Variants in HIVEP1 observed in about 807,000 individuals in gnomAD.
The protein encoded by HIVEP1 is zinc finger protein 40.
In HIVEP1, 36 loss-of-function variants were observed where a neutral mutation model predicts 180.0. The observed-to-expected ratio is 0.20, with a 90% CI of 0.15 to 0.26. The LOEUF (loss-of-function observed/expected upper bound fraction) is 0.26, where lower values mean the gene tolerates loss of function less well. Ranked by LOEUF, HIVEP1 falls within the 10% of genes least tolerant of loss-of-function variation. The pLI is 1.00. For missense variants in HIVEP1, 3,143 were observed against 3,268.7 expected (o/e 0.96, Z 0.94); for synonymous variants, 1,239 against 1,239.0 (o/e 1.00, Z 0.00).
At chr6:12,172,834 A>G in the HIVEP1 span, among the ~76,000 whole-genome samples, 35,821 of 148,758 alleles carry the variant, frequency 0.24, 4,911 homozygotes, top group Non-Finnish European at 0.31. Context: ...TTCAGTAATG[A>G]TTTATGATAA....
At chr6:12,161,303 G>T in intron 7 of HIVEP1, 136 bp from the exon 8 acceptor site, 1 of 802,694 alleles carries the variant, frequency 1.2e-6, no homozygotes, top group East Asian at 2.5e-5. Flanking sequence ...TCTCAGCCAG[G>T]GCGGAGGCTC....
At position 12,121,294 on chromosome 6, in the gene HIVEP1, C is replaced by T. The variant is rs759356350; in HGVS notation, c.1499C>T (p.Ala500Val). 4 of 1,614,112 alleles carry T rather than the reference C, an allele frequency of 2.5e-6. No homozygotes were observed. The South Asian group carries it at 3.3e-5, about 13-fold the overall frequency. The change falls in exon 4 of 9, where the codon GCC (alanine) becomes GTC (valine). Residue 500 changes from alanine to valine, a missense_variant. This residue lies in a region of HIVEP1 where 365 missense variants were observed against 344.4 expected (regional missense o/e 1.06). Coordinates refer to ENST00000379388, the MANE Select transcript of HIVEP1 (RefSeq NM_002114.4). The surrounding 1 kb of genome is among the most constrained non-coding windows in gnomAD (Gnocchi z 5.3). ...AGTGGGGAGAGCGAGGAGGAAGGCG[C>T]CACTGATGAGAGACAGCATGACCTG... ...EDSGESEEEGATDERQHDLGA... is the reference protein window; with the variant it reads ...EDSGESEEEGVTDERQHDLGA...
At position 12,090,636 on chromosome 6, in the gene HIVEP1, G is replaced by C. The variant is rs73724353; in HGVS notation, c.94+1399G>C. Among the ~76,000 whole-genome samples, 886 of 151,124 alleles carry C rather than the reference G, an allele frequency of 5.9e-3. 6 individuals carry two copies. Among genetic ancestry groups the C allele is most frequent in the African/African-American group, 0.021 (850 of 41,160 alleles). ...GTAAAGATGTCTCCATGGCCACCTT[G>C]TCCCTTTGAAGGGTTGACTGACTTA... On this transcript the variant is annotated intron_variant, in intron 3 of 8. Transcript: ENST00000379388.
chr6:12,139,689 G>A (rs768836226), intron 7 of HIVEP1, among the ~76,000 whole-genome samples: 5 of 152,200 alleles, frequency 3.3e-5, no homozygotes, highest in Admixed American at 6.5e-5. Context: ...ATTATATCCC[G>A]CATCTGGCTT....
intron 3 of HIVEP1, among the ~76,000 whole-genome samples, chr6:12,092,824 T>C (rs1452759190): frequency 6.6e-6 from 1 of 152,218 alleles, no homozygotes; most frequent in East Asian, 1.9e-4. Flanking sequence ...GAATGATTCA[T>C]GAATCAGGCA....
intron 7 of HIVEP1, among the ~76,000 whole-genome samples, chr6:12,146,059 T>C (rs1039615408): frequency 5.3e-5 from 8 of 152,164 alleles, no homozygotes; most frequent in Non-Finnish European, 1.2e-4. Context: ...AGAAATGGGG[T>C]AAACCTTTTT....
chr6:12,028,978 CT>C (rs926537781), intron 2 of HIVEP1, among the ~76,000 whole-genome samples: 14 of 152,146 alleles, frequency 9.2e-5, no homozygotes, highest in Non-Finnish European at 1.5e-4. Flanking sequence ...TTACATGTAG[CT>C]TTTTTTCATT....
At chr6:12,083,731 T>A (rs1772940196) in intron 2 of HIVEP1, among the ~76,000 whole-genome samples, 1 of 152,186 alleles carries the variant, frequency 6.6e-6, no homozygotes, top group Middle Eastern at 3.2e-3. Context: ...TGAGGGTTTT[T>A]TGAAACATTA....
At chr6:12,096,938 A>C (rs1773816699) in intron 3 of HIVEP1, among the ~76,000 whole-genome samples, 1 of 152,112 alleles carries the variant, frequency 6.6e-6, no homozygotes, top group Non-Finnish European at 1.5e-5. Context: ...ACATTTGTAC[A>C]ATAAAACAAA....
the HIVEP1 span, among the ~76,000 whole-genome samples, chr6:12,183,975 A>AGATAGATAGATAGATAGAT: frequency 3.6e-5 from 2 of 56,178 alleles, no homozygotes; most frequent in African/African-American, 1.2e-4. Context: ...CACATTGTAA[A>AGATAGATAGATAGATAGAT]GATAGATAGA....
chr6:12,026,359 TGAG>T (rs1250318513), intron 2 of HIVEP1, among the ~76,000 whole-genome samples: 1 of 152,074 alleles, frequency 6.6e-6, no homozygotes, highest in Non-Finnish European at 1.5e-5. Context: ...AAAACCTGAA[TGAG>T]GAGGAGTTTT....
chr6:12,017,692 A>T (rs569265886), intron 2 of HIVEP1, among the ~76,000 whole-genome samples: 2 of 152,320 alleles, frequency 1.3e-5, no homozygotes, highest in African/African-American at 4.8e-5. Context: ...ACAATCCCTG[A>T]GCTAGACACA....
In HIVEP1 at chr6:12,125,729, C is replaced by T. The variant is rs371821643; in HGVS notation, c.5934C>T (p.Leu1978=). The T allele has an allele frequency of 1.8e-5, 29 of 1,614,046 alleles. No homozygotes were observed. Among genetic ancestry groups the T allele is most frequent in the East Asian group, 8.9e-5 (4 of 44,894 alleles). The change falls in exon 4 of 9, where the codon CTC becomes CTT. Residue 1978 remains leucine (L), a synonymous_variant. Coordinates refer to ENST00000379388, the MANE Select transcript of HIVEP1 (RefSeq NM_002114.4). ...TAAGCGCCAGTAATCCAAATCCACT[C>T]GGTTTGCCCACAAAAGTTGCACTTG... The part of the protein sequence containing the change: ...WTVSASNPNP[L]GLPTKVALAL...
chr6:12,061,459 A>G (rs1771226774), intron 2 of HIVEP1, among the ~76,000 whole-genome samples: 1 of 152,220 alleles, frequency 6.6e-6, no homozygotes, highest in African/African-American at 2.4e-5. Flanking sequence ...TCATTGTTAT[A>G]CAGATATTAC....
At position 12,073,538 on chromosome 6, in the gene HIVEP1, G is replaced by C. The variant is rs543503027; in HGVS notation, c.41-15646G>C. On this transcript the variant is annotated intron_variant, in intron 2 of 8. Coordinates refer to ENST00000379388, the MANE Select transcript of HIVEP1 (RefSeq NM_002114.4). The stretch of plus-strand genomic sequence containing the variant: ...GCTTCCTGCCTCACTGTTCCTAGGG[G>C]ACTGGCCGTTGCCCTGGGGGAAAGA... Among the ~76,000 whole-genome samples, 5 of 152,222 alleles carry C rather than the reference G, an allele frequency of 3.3e-5. No individual in the cohort carries two copies. The South Asian group carries it at 1.0e-3, about 32-fold the overall frequency.
intron 7 of HIVEP1, among the ~76,000 whole-genome samples, chr6:12,142,033 C>T (rs1179742421): frequency 2.0e-5 from 3 of 152,184 alleles, no homozygotes; most frequent in South Asian, 4.1e-4. Context: ...ACCAAGCAGA[C>T]CTAAGAGACA....
At chr6:12,037,976 A>G (rs1329927120) in intron 2 of HIVEP1, 2 of 384,936 alleles carry the variant, frequency 5.2e-6, no homozygotes, top group Non-Finnish European at 9.2e-6. Context: ...TGGCCCCCCA[A>G]AGCACTGAGA....
chr6:12,111,845 A>G (rs1400548158), intron 3 of HIVEP1, among the ~76,000 whole-genome samples: 4 of 152,258 alleles, frequency 2.6e-5, no homozygotes, highest in East Asian at 1.9e-4. Flanking sequence ...CCCCTTTGCC[A>G]CATTCAGAAA....
intron 7 of HIVEP1, among the ~76,000 whole-genome samples, chr6:12,144,752 C>G (rs1312098797): frequency 6.6e-6 from 1 of 152,136 alleles, no homozygotes; most frequent in East Asian, 1.9e-4. Context: ...TTTATGCAGC[C>G]AACAGACACA....
Sources: allele counts gnomAD v4.1 joint callset (sites outside exome capture counted in the v4.1 genomes callset), GRCh38; gene constraint gnomAD v4.1.1; regional missense constraint gnomAD v4.1.1; non-coding constraint Gnocchi (gnomAD v3.1); transcripts MANE v1.5; gene names NCBI Gene and HGNC (gene_info 2026-07-23, HGNC 2026-07-21).